Variants in GULP1 observed in about 807,000 individuals in gnomAD.
GULP1 encodes the protein GULP PTB domain containing engulfment adaptor 1.
A neutral mutation model predicts 40.9 loss-of-function variants in GULP1; 19 were observed. The ratio of observed to expected loss-of-function variants is 0.46; its 90% confidence interval spans 0.32 to 0.68. GULP1 has a LOEUF of 0.68. GULP1 is among the 30% of genes least tolerant of loss of function. The pLI, the probability that GULP1 is intolerant of heterozygous loss-of-function variation, is 0.03. For missense variants in GULP1, 312 were observed against 362.2 expected (o/e 0.86, Z 1.12); for synonymous variants, 119 against 117.6 (o/e 1.01, Z -0.08).
At chr2:188,294,191 T>C (rs1164030818) in intron 1 of GULP1, 1 of 152,178 alleles carries the variant, frequency 6.6e-6, no homozygotes, top group African/African-American at 2.4e-5. Flanking sequence ...CCTTACTTTG[T>C]TTTCATAGCA....
At chr2:188,355,857 C>T (rs1191298791) in intron 1 of GULP1, among the ~76,000 whole-genome samples, 1 of 151,970 alleles carries the variant, frequency 6.6e-6, no homozygotes. Context: ...TGGGAATTAA[C>T]CTGGAATGCA....
chr2:188,589,760 T>C, intron 11 of GULP1: 1 of 1,357,144 alleles, frequency 7.4e-7, no homozygotes, highest in Non-Finnish European at 9.9e-7. Flanking sequence ...GGTTGGTATA[T>C]TATTTTTATA....
intron 2 of GULP1, among the ~76,000 whole-genome samples, chr2:188,414,614 A>T (rs1001963757): frequency 2.6e-5 from 4 of 152,228 alleles, no homozygotes; most frequent in Admixed American, 1.3e-4. Flanking sequence ...TGGAAAGGCT[A>T]ACGTGTCAGT....
intron 1 of GULP1, among the ~76,000 whole-genome samples, chr2:188,346,306 C>T (rs566046967): frequency 4.6e-5 from 7 of 152,038 alleles, no homozygotes; most frequent in Non-Finnish European, 5.9e-5. Context: ...CAGAAATCTC[C>T]GGGTTAATGA....
intron 2 of GULP1, among the ~76,000 whole-genome samples, chr2:188,452,550 T>G (rs1009768801): frequency 6.6e-6 from 1 of 152,224 alleles, no homozygotes; most frequent in African/African-American, 2.4e-5. Context: ...CAAGAATTTA[T>G]AGAACTTTAT....
intron 7 of GULP1, among the ~76,000 whole-genome samples, chr2:188,544,544 A>T (rs537130635): frequency 6.6e-5 from 10 of 151,652 alleles, no homozygotes; most frequent in Non-Finnish European, 1.5e-4. Context: ...TTATTATAAT[A>T]ATAATAATAA....
chr2:188,494,541 C>A (rs953382073), intron 4 of GULP1, among the ~76,000 whole-genome samples: 1 of 152,026 alleles, frequency 6.6e-6, no homozygotes, highest in South Asian at 2.1e-4. Context: ...GTGTCAACTG[C>A]TATAGGCCAC....
intron 2 of GULP1, among the ~76,000 whole-genome samples, chr2:188,450,510 G>C (rs2058752357): frequency 6.6e-6 from 1 of 151,956 alleles, no homozygotes. Flanking sequence ...TATTAAAAAA[G>C]TAGTGTTTTT....
intron 4 of GULP1, among the ~76,000 whole-genome samples, chr2:188,491,131 G>A (rs1309396976): frequency 6.6e-6 from 1 of 151,978 alleles, no homozygotes; most frequent in Non-Finnish European, 1.5e-5. Context: ...CATAGCTAGA[G>A]AATGTAAAGA....
chr2:188,585,361 C>A (rs1702154766), intron 10 of GULP1, among the ~76,000 whole-genome samples: 1 of 152,194 alleles, frequency 6.6e-6, no homozygotes. Flanking sequence ...AGGCAGTGCC[C>A]CAGTGGGGAC....
intron 4 of GULP1, among the ~76,000 whole-genome samples, chr2:188,518,729 C>T (rs1022839469): frequency 9.9e-5 from 15 of 152,214 alleles, no homozygotes; most frequent in African/African-American, 1.4e-4. Context: ...TAGTATCTTC[C>T]CCTAACAATC....
chr2:188,508,417 C>A (rs1349478171), intron 4 of GULP1, among the ~76,000 whole-genome samples: 1 of 152,036 alleles, frequency 6.6e-6, no homozygotes, highest in African/African-American at 2.4e-5. Context: ...TACTTCCTCA[C>A]TTTTACAAAA....
Position 188,475,696 on chromosome 2 carries a change from C to T in GULP1, c.-44-1963C>T, listed in dbSNP as rs542877608. On this transcript the variant is annotated intron_variant, in intron 2 of 11. Coordinates refer to ENST00000409830, the MANE Select transcript of GULP1 (RefSeq NM_016315.4). ...CATTTGCATATATTACGTTCTTTTT[C>T]TACTAGTTTATTTTTATTTTTTCCT... Among the ~76,000 whole-genome samples the T allele has an allele frequency of 7.7e-4, 117 of 151,992 alleles. No homozygotes were observed. In the Middle Eastern group the frequency reaches 0.024, roughly 31 times the overall value.
chr2:188,544,611 C>T (rs1348295429), intron 7 of GULP1, among the ~76,000 whole-genome samples: 1 of 151,648 alleles, frequency 6.6e-6, no homozygotes, highest in Non-Finnish European at 1.5e-5. Flanking sequence ...TGTATGGACT[C>T]AACAGCAGAA....
At chr2:188,324,138 A>T (rs1436977346) in intron 1 of GULP1, among the ~76,000 whole-genome samples, 1 of 152,072 alleles carries the variant, frequency 6.6e-6, no homozygotes, top group African/African-American at 2.4e-5. Flanking sequence ...GAAAATAAGG[A>T]TTTAATTATA....
At chr2:188,347,385 AGTT>A (rs1334866117) in intron 1 of GULP1, among the ~76,000 whole-genome samples, 3 of 152,076 alleles carry the variant, frequency 2.0e-5, no homozygotes, top group Non-Finnish European at 2.9e-5. Context: ...TCCACACATG[AGTT>A]GTTGTTGCTG....
chr2:188,584,227 T>A, intron 9 of GULP1, 38 bp from the exon 10 acceptor site: 1 of 1,390,134 alleles, frequency 7.2e-7, no homozygotes, highest in Non-Finnish European at 1.0e-6. Flanking sequence ...AATGTGTCTA[T>A]ATGAAATATT....
intron 1 of GULP1, chr2:188,297,498 C>G (rs1254639845): frequency 4.1e-6 from 2 of 484,308 alleles, no homozygotes; most frequent in Non-Finnish European, 8.6e-6. Context: ...GAAACTTCAT[C>G]CACCAGTCCT....
chr2:188,500,043 G>GC (rs1559313541), intron 4 of GULP1, among the ~76,000 whole-genome samples: 2 of 151,722 alleles, frequency 1.3e-5, no homozygotes, highest in African/African-American at 4.8e-5. Flanking sequence ...TGTGTCCTTG[G>GC]CCAGATTAAG....
Sources: gnomAD v4.1 joint callset for allele counts (sites outside exome capture counted in the v4.1 genomes callset) on GRCh38, gnomAD v4.1.1 for gene constraint, MANE v1.5 for transcripts, NCBI Gene and HGNC (gene_info 2026-07-23, HGNC 2026-07-21) for gene names.